Variants in ADAMTSL3 observed in about 807,000 individuals in gnomAD.
ADAMTSL3 encodes the protein ADAMTS-like protein 3.
Under a neutral mutation model 201.7 loss-of-function variants are expected in ADAMTSL3, and 128 were observed. The ratio of observed to expected loss-of-function variants is 0.63; its 90% CI spans 0.55 to 0.73. The LOEUF (loss-of-function observed/expected upper bound fraction) is 0.73. Ranked by LOEUF, ADAMTSL3 falls within the 30% of genes least tolerant of loss-of-function variation. The pLI, the probability that ADAMTSL3 is intolerant of heterozygous loss-of-function variation, is 0.00. For synonymous variants in ADAMTSL3, 738 were observed against 748.4 expected (o/e 0.99, Z 0.23); for missense variants, 1,990 against 2,119.6 (o/e 0.94, Z 1.20).
chr15:84,028,204 ACATTCGATGG>A (rs2068344662), intron 27 of ADAMTSL3, among the ~76,000 whole-genome samples: 1 of 152,320 alleles, frequency 6.6e-6, no homozygotes, highest in East Asian at 1.9e-4. Flanking sequence ...AATTCCGTTA[ACATTCGATGG>A]CAAATTGTAT....
chr15:83,943,487 G>A (rs2066601960), intron 19 of ADAMTSL3, among the ~76,000 whole-genome samples: 2 of 152,168 alleles, frequency 1.3e-5, no homozygotes, highest in African/African-American at 2.4e-5. Context: ...AACTTCCTCT[G>A]TGTTCTGTCA....
At chr15:83,703,849 A>G (rs529655770) in intron 2 of ADAMTSL3, among the ~76,000 whole-genome samples, 24 of 152,300 alleles carry the variant, frequency 1.6e-4, no homozygotes, top group African/African-American at 5.3e-4. Context: ...CTCAAAGGAA[A>G]TACACCAAAA....
At chr15:83,688,751 T>TACACAC (rs1555430321) in intron 2 of ADAMTSL3, among the ~76,000 whole-genome samples, 5,681 of 114,534 alleles carry the variant, frequency 0.05, 149 homozygotes, top group South Asian at 0.07. Flanking sequence ...CACATGCATA[T>TACACAC]ATATACACAC....
chr15:83,781,098 A>G (rs1170274714), intron 4 of ADAMTSL3, among the ~76,000 whole-genome samples: 1 of 149,790 alleles, frequency 6.7e-6, no homozygotes, highest in African/African-American at 2.5e-5. Flanking sequence ...ACAGAACTAG[A>G]AAAAAAAAAC....
intron 29 of ADAMTSL3, 70 bp downstream of exon 29, chr15:84,037,057 C>T: frequency 6.8e-7 from 1 of 1,478,860 alleles, no homozygotes; most frequent in Non-Finnish European, 9.3e-7. Flanking sequence ...ATGCTACCAT[C>T]ACGGCACCAA....
At position 83,897,904 on chromosome 15, in the gene ADAMTSL3, G is replaced by A. The variant is rs2065649400; in HGVS notation, c.1514G>A (p.Cys505Tyr). The A allele has an allele frequency of 6.2e-7, 1 of 1,613,846 alleles. No individual in the cohort carries two copies. The highest frequency in any genetic ancestry group is 2.2e-5 in the East Asian group (1 of 44,876). The change falls in exon 14 of 30, where the codon TGT (cysteine) becomes TAT (tyrosine). Residue 505 changes from cysteine to tyrosine, a missense_variant. Cys to Tyr is a radical substitution (Grantham distance 194, BLOSUM62 -2). Transcript: ENST00000286744. ...GRGLRYRVVL[C>Y]INHRGEHVGG... ...GGGTTACGGTACCGGGTTGTTCTGT[G>A]TATTAACCACCGCGGAGAGCATGTT...
chr15:83,969,512 A>C (rs2067153561), intron 19 of ADAMTSL3, among the ~76,000 whole-genome samples: 1 of 152,204 alleles, frequency 6.6e-6, no homozygotes, highest in Non-Finnish European at 1.5e-5. Context: ...AAAATATGGT[A>C]CTGTATATAC....
At chr15:83,878,719 A>G (rs1397152180) in intron 9 of ADAMTSL3, among the ~76,000 whole-genome samples, 1 of 152,068 alleles carries the variant, frequency 6.6e-6, no homozygotes, top group South Asian at 2.1e-4. Context: ...ATTTCACTTA[A>G]GGTTTTTGTT....
intron 21 of ADAMTSL3, among the ~76,000 whole-genome samples, chr15:83,983,569 C>A (rs905124264): frequency 2.0e-5 from 3 of 152,188 alleles, no homozygotes; most frequent in African/African-American, 7.2e-5. Context: ...TGTGATATGA[C>A]TGGATCCAGC....
Position 83,823,892 on chromosome 15 carries a change from C to CTT in ADAMTSL3, c.600+3845_600+3846insTT, listed in dbSNP as rs2063938571. Among the ~76,000 whole-genome samples, 28 of 88,084 alleles carry CTT rather than the reference C, an allele frequency of 3.2e-4. 3 individuals are homozygous for CTT. The highest frequency in any genetic ancestry group is 4.1e-4 in the African/African-American group (7 of 17,256). 57.8% of individuals were successfully genotyped at this position (88,084 alleles called of 152,430 possible). On this transcript the variant is annotated intron_variant, in intron 6 of 29. Coordinates refer to ENST00000286744, the MANE Select transcript of ADAMTSL3 (RefSeq NM_207517.3). Reference sequence around the variant, plus strand: ...CAGACTCCATTTCCTTCTTCTTCTTCCTCTTCTTCTTCTTCTTCTTCTTCT... The same window carrying CTT: ...CAGACTCCATTTCCTTCTTCTTCTTCTTCTCTTCTTCTTCTTCTTCTTCTTCT...
chr15:83,786,818 T>C (rs1054336170), intron 4 of ADAMTSL3, among the ~76,000 whole-genome samples: 1 of 152,138 alleles, frequency 6.6e-6, no homozygotes, highest in Non-Finnish European at 1.5e-5. Context: ...GCTTCCATTA[T>C]AGTACTAAAT....
Position 83,822,879 on chromosome 15 carries a change from C to T in ADAMTSL3, c.600+2832C>T, listed in dbSNP as rs866069073. On this transcript the variant is annotated intron_variant, in intron 6 of 29. Coordinates refer to ENST00000286744, the MANE Select transcript of ADAMTSL3 (RefSeq NM_207517.3). ...TGGAGGTTGTAGCGAGCCGAGATCA[C>T]GCCACTGCACTCCAGCCTGGGCACC... Among the ~76,000 whole-genome samples the T allele has an allele frequency of 3.4e-3, 521 of 151,974 alleles. 1 individual carries two copies. Among genetic ancestry groups the T allele is most frequent in the African/African-American group, 0.012 (490 of 41,456 alleles).
chr15:83,873,421 G>A lies in ADAMTSL3; in HGVS notation c.960+2462G>A, dbSNP rs1459144422. On this transcript the variant is annotated intron_variant, in intron 9 of 29. Transcript: ENST00000286744. ...CATTTTTATACCATTGGTTTTTTTT[G>A]TTTGTTTGTTTTTGAGATAGGGTCT... Among the ~76,000 whole-genome samples the A allele has an allele frequency of 4.1e-5, 6 of 145,272 alleles. 1 individual carries two copies. The highest frequency in any genetic ancestry group is 2.7e-4 in the Admixed American group (4 of 14,862).
At chr15:83,733,063 C>G (rs973096817) in intron 3 of ADAMTSL3, among the ~76,000 whole-genome samples, 1 of 152,152 alleles carries the variant, frequency 6.6e-6, no homozygotes, top group African/African-American at 2.4e-5. Flanking sequence ...CCTGCCACAT[C>G]ATTTCCATTT....
At chr15:83,677,618 T>C (rs1413265722) in intron 2 of ADAMTSL3, among the ~76,000 whole-genome samples, 1 of 152,150 alleles carries the variant, frequency 6.6e-6, no homozygotes, top group Admixed American at 6.5e-5. Flanking sequence ...ATAGTATATG[T>C]GTTTTCATCG....
chr15:83,678,797 A>ATATATATTT (rs1555429358), intron 2 of ADAMTSL3, among the ~76,000 whole-genome samples: 1 of 139,356 alleles, frequency 7.2e-6, no homozygotes, highest in Non-Finnish European at 1.5e-5. Flanking sequence ...ATGTATATAT[A>ATATATATTT]ATATATATTT....
chr15:83,811,138 C>T (rs1394468238), intron 5 of ADAMTSL3, among the ~76,000 whole-genome samples: 1 of 152,144 alleles, frequency 6.6e-6, no homozygotes, highest in East Asian at 1.9e-4. Context: ...AGGTCTCTAA[C>T]TTTAGTTATA....
chr15:83,820,367 C>T (rs1026538074), intron 6 of ADAMTSL3, among the ~76,000 whole-genome samples: 5 of 152,092 alleles, frequency 3.3e-5, no homozygotes, highest in Non-Finnish European at 4.4e-5. Context: ...CATGAGCCAC[C>T]GCGCCGGGCC....
At chr15:83,814,005 A>G (rs1214450671) in intron 5 of ADAMTSL3, among the ~76,000 whole-genome samples, 1 of 152,196 alleles carries the variant, frequency 6.6e-6, no homozygotes, top group Non-Finnish European at 1.5e-5. Context: ...GTGTATCATA[A>G]TTTGGTAAGG....
Sources: gnomAD v4.1 joint callset for allele counts (sites outside exome capture counted in the v4.1 genomes callset) on GRCh38, gnomAD v4.1.1 for gene constraint, MANE v1.5 for transcripts, NCBI Gene and HGNC (gene_info 2026-07-23, HGNC 2026-07-21) for gene names.